Variants in MYO1C observed in about 807,000 individuals in gnomAD.
The protein encoded by MYO1C is myosin IC, also known as unconventional myosin-Ic.
In MYO1C, 104 loss-of-function variants were observed where a neutral mutation model predicts 150.8. The observed-to-expected ratio is 0.69, with a 90% CI of 0.59 to 0.81. MYO1C has a LOEUF of 0.81. Among genes scored for constraint, MYO1C ranks in the 30% least tolerant of loss-of-function variants. The probability of loss-of-function intolerance (pLI) is 0.00; values close to 1 mark genes in which losing one functional copy is unlikely to be tolerated. For synonymous variants in MYO1C, 663 were observed against 579.9 expected (o/e 1.14, Z -2.06); for missense variants, 1,504 against 1,435.0 (o/e 1.05, Z -0.78).
intron 21 of MYO1C, 145 bp downstream of exon 21, chr17:1,470,926 C>G (rs772480999): frequency 9.7e-7 from 1 of 1,032,318 alleles, no homozygotes; most frequent in Non-Finnish European, 1.5e-6. Flanking sequence ...CCATTGGACT[C>G]TCTGGAGAAG....
chr17:1,471,299 C>A lies in MYO1C; in HGVS notation c.2059G>T (p.Ala687Ser). The A allele has an allele frequency of 6.2e-7, 1 of 1,613,946 alleles. No homozygotes were observed. The highest frequency in any genetic ancestry group is 8.5e-7 in the Non-Finnish European group (1 of 1,180,008). Residue 687 changes from alanine (A) to serine (S), a missense_variant, in exon 20 of 32, where the codon GCA becomes TCA. Transcript: ENST00000648651. The stretch of plus-strand genomic sequence containing the variant: ...GCCACCCCATCCTGCGGCCGTCCTG[C>A]CCACGTGGGCCACGTCTCTGGGCAC... ...SLCPETWPTW[A>S]GRPQDGVAVL...
rs1388063159 is a variant in MYO1C, at chr17:1,480,765, CCT to C, written c.746_747del (p.Glu249GlyfsTer34). ...IFYQLLEGGE[E>X]ETLRRLGLER... ...TCCAAGCCCAGCCTGCGAAGAGTCT[CCT>C]CCTCGCCCCCCTCCAGCAGCTGGTA... is the stretch of plus-strand genomic sequence containing the variant. On this transcript the variant is annotated frameshift_variant, in exon 6 of 32. Transcript: ENST00000648651. LOFTEE classifies it high-confidence loss of function. 1 of 1,614,166 alleles carries C rather than the reference CCT, an allele frequency of 6.2e-7. No individual in the cohort carries two copies. The highest frequency in any genetic ancestry group is 1.3e-5 in the African/African-American group (1 of 75,058).
At chr17:1,469,353 G>A (rs1413482237) in intron 25 of MYO1C, 178 bp downstream of exon 25, 6 of 652,196 alleles carry the variant, frequency 9.2e-6, no homozygotes, top group Admixed American at 2.1e-5. Flanking sequence ...GGGTAAATAC[G>A]GTAGACTGGG....
rs1372168284 is a variant in MYO1C, at chr17:1,482,943, T to C, written c.464A>G (p.Gln155Arg). ...GGCTGGGCAGGTCTCTGCATAGAAC[T>C]GCAGCAGCCTCTTGGTGGCCTCGGT... ...GKTEATKRLL[Q>R]FYAETCPAPE... Residue 155 changes from glutamine (Q) to arginine (R), a missense_variant, in exon 4 of 32, where the codon CAG (glutamine) becomes CGG (arginine). Physicochemically the swap from Gln to Arg is conservative, Grantham distance 43 (BLOSUM62 1). Coordinates refer to ENST00000648651, the MANE Select transcript of MYO1C (RefSeq NM_001080779.2). The C allele has an allele frequency of 5.0e-6, 8 of 1,601,842 alleles. No individual in the cohort carries two copies. The highest frequency in any genetic ancestry group is 6.8e-6 in the Non-Finnish European group (8 of 1,175,324).
intron 1 of MYO1C, chr17:1,485,509 G>A (rs529749984): frequency 1.7e-5 from 10 of 587,548 alleles, no homozygotes; most frequent in African/African-American, 1.4e-4. Context: ...TCCTCATCCG[G>A]CCCCGGGTCC....
At chr17:1,483,577 G>C (rs371396362) in intron 3 of MYO1C, 33 bp downstream of exon 3, 2 of 1,516,892 alleles carry the variant, frequency 1.3e-6, no homozygotes, top group Non-Finnish European at 1.8e-6. Flanking sequence ...TGGAGACAGA[G>C]GGGTCGCTCC....
Position 1,465,369 on chromosome 17 carries a change from T to C in MYO1C, c.*357A>G. On this transcript the variant is annotated 3_prime_UTR_variant, in exon 32 of 32. Coordinates refer to ENST00000648651, the MANE Select transcript of MYO1C (RefSeq NM_001080779.2). ...CAGGGAAAACACATCCACTGTGTCCTTGGGTGGGAAATGGCTTTTTTTAAA... is the reference window on the plus strand; with the variant it reads ...CAGGGAAAACACATCCACTGTGTCCCTGGGTGGGAAATGGCTTTTTTTAAA... The C allele has an allele frequency of 5.4e-6, 1 of 184,414 alleles. No homozygotes were observed. The highest frequency in any genetic ancestry group is 1.3e-4 in the East Asian group (1 of 7,942). The allele number at this position is 184,414 out of a possible 1,614,324, so 11.4% of individuals were successfully genotyped here. A position where few individuals can be genotyped will look rare whatever the true frequency, so the allele number is the denominator to read the frequency against.
intron 1 of MYO1C, among the ~76,000 whole-genome samples, chr17:1,488,216 C>T (rs1190648793): frequency 3.9e-5 from 6 of 152,188 alleles, no homozygotes; most frequent in Admixed American, 6.5e-5. Flanking sequence ...GGGTCGGGCC[C>T]GCTTCTTCCA....
intron 1 of MYO1C, among the ~76,000 whole-genome samples, chr17:1,486,516 T>A (rs375174290): frequency 1.6e-3 from 160 of 97,176 alleles, no homozygotes; most frequent in African/African-American, 8.7e-3. Flanking sequence ...CCCTCCTTTT[T>A]TTTTCTGTTT....
rs776887792 is a variant in MYO1C, at chr17:1,469,600, C to T, written c.2541G>A (p.Leu847=). 1 of 1,612,636 alleles carries T rather than the reference C, an allele frequency of 6.2e-7. No individual in the cohort carries two copies. Among genetic ancestry groups the T allele is most frequent in the South Asian group, 1.1e-5 (1 of 90,828 alleles). ...CCATGTTCTTTATGCACAACTCCCGCAGAAGCTCTGAGGCCTAAGGGGAGG... is the reference window on the plus strand; with the variant it reads ...CCATGTTCTTTATGCACAACTCCCGTAGAAGCTCTGAGGCCTAAGGGGAGG... The part of the protein sequence containing the change: ...PPALREASEL[L]RELCIKNMVW... Residue 847 remains leucine (L), a synonymous_variant, in exon 25 of 32, where the codon CTG becomes CTA. Coordinates refer to ENST00000648651, the MANE Select transcript of MYO1C (RefSeq NM_001080779.2).
chr17:1,478,761 G>T lies in MYO1C; in HGVS notation c.1093-26C>A. On this transcript the variant is annotated intron_variant, in intron 9 of 31. Coordinates refer to ENST00000648651, the MANE Select transcript of MYO1C (RefSeq NM_001080779.2). This position sits in a 1 kb window ranked among gnomAD's most constrained non-coding sequence, Gnocchi z 6.3. ...CTGTGGACGCAGCGTGAGACAAGGA[G>T]ATGAATGCCACAGAGCCTGTGCATC... The T allele has an allele frequency of 6.2e-7, 1 of 1,612,542 alleles. No individual in the cohort carries two copies.
intron 17 of MYO1C, among the ~76,000 whole-genome samples, chr17:1,473,406 T>C (rs892929746): frequency 1.3e-5 from 2 of 151,636 alleles, no homozygotes; most frequent in African/African-American, 2.4e-5. Context: ...CGGGAGGGTG[T>C]GTAGGCATCC....
rs1567514599 is a variant in MYO1C, at chr17:1,468,506, C to T, written c.2611-10G>A. 6.2e-7 allele frequency: 1 copy of T among 1,610,298 alleles called. No individual in the cohort carries two copies. The highest frequency in any genetic ancestry group is 1.3e-5 in the African/African-American group (1 of 74,700). On this transcript the variant is annotated splice_polypyrimidine_tract_variant and intron_variant, in intron 25 of 31. Coordinates refer to ENST00000648651, the MANE Select transcript of MYO1C (RefSeq NM_001080779.2). ...CGGCCTTCTGCTGCAGCTGAGGAGA[C>T]AAGGGGGGTGAGGAGAGTGTCATGG...
In MYO1C at chr17:1,483,729, G is replaced by C. The variant is rs2074588352; in HGVS notation, c.232-4C>G. 1.2e-6 allele frequency: 2 copies of C among 1,602,680 alleles called. No homozygotes were observed. The highest frequency in any genetic ancestry group is 1.7e-6 in the Non-Finnish European group (2 of 1,173,748). ...CCAGGACGGGGCCAATGTAGGTCTG[G>C]GATCGGGGGAAGAGGGTCCAAAGTT... On this transcript the variant is annotated splice_region_variant and splice_polypyrimidine_tract_variant and intron_variant, in intron 2 of 31. Transcript: ENST00000648651.
Position 1,465,210 on chromosome 17 carries a change from G to C in MYO1C, c.*516C>G, listed in dbSNP as rs1053898060. ...GGGCTGCAAAAGATGCAGATGGGCA[G>C]GCAGGGAGACAGGTAAACAGACAGA... On this transcript the variant is annotated 3_prime_UTR_variant, in exon 32 of 32. Transcript: ENST00000648651. 6.5e-6 allele frequency: 1 copy of C among 152,936 alleles called. No homozygotes were observed. The highest frequency in any genetic ancestry group is 2.4e-5 in the African/African-American group (1 of 41,454). 9.5% of individuals were successfully genotyped at this position (152,936 alleles called of 1,614,324 possible). A position where few individuals can be genotyped will look rare whatever the true frequency, so the allele number is the denominator to read the frequency against.
rs1161763313 is a variant in MYO1C, at chr17:1,479,762, G to C, written c.907-57C>G. 7.7e-7 allele frequency: 1 copy of C among 1,296,326 alleles called. No homozygotes were observed. Among genetic ancestry groups the C allele is most frequent in the African/African-American group, 1.5e-5 (1 of 68,266 alleles). The allele number at this position is 1,296,326 out of a possible 1,614,324, so 80.3% of individuals were successfully genotyped here. ...GAGAGGGGCCAGAGAGCCCCAAGAGGGCAACTAGCAGATGGCCATGCAGGG... is the reference window on the plus strand; with the variant it reads ...GAGAGGGGCCAGAGAGCCCCAAGAGCGCAACTAGCAGATGGCCATGCAGGG... On this transcript the variant is annotated intron_variant, in intron 7 of 31. Coordinates refer to ENST00000648651, the MANE Select transcript of MYO1C (RefSeq NM_001080779.2). This position sits in a 1 kb window ranked among gnomAD's most constrained non-coding sequence, Gnocchi z 4.2.
At chr17:1,468,177 C>A in intron 27 of MYO1C, 54 bp from the exon 28 acceptor site, 1 of 1,611,628 alleles carries the variant, frequency 6.2e-7, no homozygotes, top group East Asian at 2.2e-5. Context: ...AAGGCTCCGC[C>A]CCTGCCCTGA....
Position 1,478,335 on chromosome 17 carries a change from TGA to T in MYO1C, c.1295+73_1295+74del. On this transcript the variant is annotated intron_variant, in intron 11 of 31. Transcript: ENST00000648651. The surrounding 1 kb of genome is among the most constrained non-coding windows in gnomAD (Gnocchi z 6.3). ...TGGCTGGGGAGTCACAGGGCAGGAA[TGA>T]GAGGCTGGAGGACAGAAGAGAGGGA... The T allele has an allele frequency of 6.3e-7, 1 of 1,591,568 alleles. No individual in the cohort carries two copies. The highest frequency in any genetic ancestry group is 8.6e-7 in the Non-Finnish European group (1 of 1,159,970).
intron 1 of MYO1C, among the ~76,000 whole-genome samples, chr17:1,488,013 G>A (rs2074686253): frequency 6.6e-6 from 1 of 152,196 alleles, no homozygotes; most frequent in African/African-American, 2.4e-5. Flanking sequence ...AGAAGACGGG[G>A]TAGAGGGTCA....
Sources: gnomAD v4.1 joint callset for allele counts (sites outside exome capture counted in the v4.1 genomes callset) on GRCh38, gnomAD v4.1.1 for gene constraint, Gnocchi (gnomAD v3.1) non-coding constraint, MANE v1.5 for transcripts, NCBI Gene and HGNC (gene_info 2026-07-23, HGNC 2026-07-21) for gene names.